Variants in ARMH4 observed in about 807,000 individuals in gnomAD.
ARMH4 encodes the protein armadillo-like helical domain-containing protein 4.
A neutral mutation model predicts 61.9 loss-of-function variants in ARMH4; 49 were observed. The observed-to-expected ratio is 0.79, with a 90% CI of 0.63 to 1.00. The LOEUF is 1.00. Among genes scored for constraint, ARMH4 ranks in the 50% least tolerant of loss-of-function variants. ARMH4 has a pLI of 0.00. For synonymous variants in ARMH4, 368 were observed against 341.5 expected, an observed-to-expected ratio of 1.08 and a Z score of -0.85; for missense variants, 934 against 930.0, an observed-to-expected ratio of 1.00 and a Z score of -0.06.
intron 5 of ARMH4, among the ~76,000 whole-genome samples, chr14:58,078,648 T>C (rs1049392749): frequency 5.9e-5 from 9 of 152,250 alleles, no homozygotes; most frequent in Admixed American, 2.6e-4. Flanking sequence ...AGTGAGATAG[T>C]AAATATTTTG....
At chr14:58,145,053 C>T (rs1458013366) in intron 1 of ARMH4, among the ~76,000 whole-genome samples, 1 of 152,158 alleles carries the variant, frequency 6.6e-6, no homozygotes, top group Non-Finnish European at 1.5e-5. Context: ...CTGCCCCTTC[C>T]TAAACAAATA....
chr14:58,005,826 AGT>A (rs1882151800), intron 6 of ARMH4, among the ~76,000 whole-genome samples: 1 of 152,208 alleles, frequency 6.6e-6, no homozygotes, highest in Admixed American at 6.5e-5. Context: ...ACAAGGGGAG[AGT>A]GTGCACACAA....
intron 5 of ARMH4, among the ~76,000 whole-genome samples, chr14:58,094,979 C>T (rs113943270): frequency 0.011 from 1,624 of 152,272 alleles, 32 homozygotes; most frequent in African/African-American, 0.036. Flanking sequence ...AACTTGACTC[C>T]TATTCAGTGG....
intron 4 of ARMH4, among the ~76,000 whole-genome samples, chr14:58,128,423 A>T (rs1886975484): frequency 6.6e-6 from 1 of 152,224 alleles, no homozygotes; most frequent in East Asian, 1.9e-4. Context: ...TTATGTTTGT[A>T]TTTCAAAGCT....
intron 5 of ARMH4, among the ~76,000 whole-genome samples, chr14:58,019,204 C>T (rs377449068): frequency 2.6e-5 from 4 of 152,184 alleles, no homozygotes; most frequent in South Asian, 2.1e-4. Context: ...TATTGTTAAT[C>T]GCAATGTATT....
In ARMH4 at chr14:58,147,323, T is replaced by G. The variant is rs114644573; in HGVS notation, c.-57+4752A>C. Among the ~76,000 whole-genome samples, 436 of 151,864 alleles carry G rather than the reference T, an allele frequency of 2.9e-3. 4 individuals carry two copies. The highest frequency in any genetic ancestry group is 9.9e-3 in the African/African-American group (409 of 41,410). ...TTTTATACAATCCAGATGGTTTTTT[T>G]TTTTTTTTTTGATAGGAAGTCTCAC... On this transcript the variant is annotated intron_variant, in intron 1 of 7. Coordinates refer to ENST00000267485, the MANE Select transcript of ARMH4 (RefSeq NM_001001872.4).
chr14:58,126,871 C>T (rs1415205549), intron 4 of ARMH4, among the ~76,000 whole-genome samples: 3 of 143,942 alleles, frequency 2.1e-5, no homozygotes, highest in African/African-American at 7.8e-5. Context: ...GGTGTGATCT[C>T]GGCTCACTGC....
At chr14:58,112,841 C>T (rs1028647343) in intron 4 of ARMH4, among the ~76,000 whole-genome samples, 1 of 152,166 alleles carries the variant, frequency 6.6e-6, no homozygotes, top group African/African-American at 2.4e-5. Flanking sequence ...AGTCTGCTCT[C>T]AGTCTAAATT....
At chr14:58,065,246 AAGAG>A (rs368675401) in intron 5 of ARMH4, among the ~76,000 whole-genome samples, 81 of 151,738 alleles carry the variant, frequency 5.3e-4, no homozygotes, top group African/African-American at 1.9e-3. Flanking sequence ...ATCTTAAAAA[AAGAG>A]AGAGAGAGAG....
At chr14:58,105,368 G>A (rs1270926927) in intron 4 of ARMH4, among the ~76,000 whole-genome samples, 1 of 152,130 alleles carries the variant, frequency 6.6e-6, no homozygotes, top group Non-Finnish European at 1.5e-5. Flanking sequence ...AGATAGCATA[G>A]ACAAAGAAAA....
chr14:58,124,695 C>G (rs1399470870), intron 4 of ARMH4, among the ~76,000 whole-genome samples: 4 of 152,192 alleles, frequency 2.6e-5, no homozygotes, highest in African/African-American at 9.6e-5. Flanking sequence ...CAAACCTACG[C>G]TGCTCGAGGG....
At chr14:58,066,970 T>C (rs1884725048) in intron 5 of ARMH4, among the ~76,000 whole-genome samples, 1 of 152,140 alleles carries the variant, frequency 6.6e-6, no homozygotes, top group Non-Finnish European at 1.5e-5. Context: ...TAACTTAGAG[T>C]GACCTGATAC....
chr14:58,143,765 C>CTTTTTTTTTTT (rs201034964), intron 1 of ARMH4, among the ~76,000 whole-genome samples: 1 of 120,108 alleles, frequency 8.3e-6, no homozygotes, highest in Non-Finnish European at 1.6e-5. Context: ...TGCCCATCCT[C>CTTTTTTTTTTT]TTTTTTTTTT....
chr14:58,065,996 T>C (rs545927356), intron 5 of ARMH4, among the ~76,000 whole-genome samples: 1 of 152,324 alleles, frequency 6.6e-6, no homozygotes, highest in South Asian at 2.1e-4. Context: ...TCAGTGAATC[T>C]TAGGAGGAGC....
At chr14:58,043,968 T>C (rs752403310) in intron 5 of ARMH4, among the ~76,000 whole-genome samples, 7 of 151,996 alleles carry the variant, frequency 4.6e-5, no homozygotes, top group South Asian at 4.2e-4. Context: ...TAAAAGAGGA[T>C]ACAAACAAAT....
chr14:58,138,495 A>G lies in ARMH4; in HGVS notation c.864T>C (p.Asp288=). 6.2e-7 allele frequency: 1 copy of G among 1,614,234 alleles called. No homozygotes were observed. Among genetic ancestry groups the G allele is most frequent in the Non-Finnish European group, 8.5e-7 (1 of 1,180,040 alleles). Residue 288 remains aspartate (D), a synonymous_variant, in exon 2 of 8, where the codon GAT becomes GAC. Coordinates refer to ENST00000267485, the MANE Select transcript of ARMH4 (RefSeq NM_001001872.4). ...EYTLSVEPET[D]SLLGAPEVTV... Reference sequence around the variant, plus strand: ...TGACTTCTGGGGCTCCCAGCAGACTATCAGTTTCTGGCTCAACACTCAGGG... The same window carrying G: ...TGACTTCTGGGGCTCCCAGCAGACTGTCAGTTTCTGGCTCAACACTCAGGG...
At chr14:58,128,424 T>C (rs769801821) in intron 4 of ARMH4, among the ~76,000 whole-genome samples, 26 of 152,366 alleles carry the variant, frequency 1.7e-4, no homozygotes, top group Non-Finnish European at 1.9e-4. Flanking sequence ...TATGTTTGTA[T>C]TTCAAAGCTG....
At chr14:58,145,839 G>A (rs577995648) in intron 1 of ARMH4, among the ~76,000 whole-genome samples, 10 of 152,160 alleles carry the variant, frequency 6.6e-5, no homozygotes, top group African/African-American at 2.4e-4. Flanking sequence ...ACAACTATAC[G>A]TTAAAAGGAA....
At chr14:58,023,852 T>G (rs1479257433) in intron 5 of ARMH4, among the ~76,000 whole-genome samples, 2 of 152,240 alleles carry the variant, frequency 1.3e-5, no homozygotes, top group Non-Finnish European at 2.9e-5. Flanking sequence ...ATCAGAGTTC[T>G]TGGGTAACTA....
Sources: gnomAD v4.1 joint callset for allele counts (sites outside exome capture counted in the v4.1 genomes callset) on GRCh38, gnomAD v4.1.1 for gene constraint, MANE v1.5 for transcripts, NCBI Gene and HGNC (gene_info 2026-07-23, HGNC 2026-07-21) for gene names.